Variants in TTN observed in about 807,000 individuals in gnomAD.
The protein encoded by TTN is titin.
A neutral mutation model predicts 3,223.0 loss-of-function variants in TTN; 1,525 were observed. The ratio of observed to expected loss-of-function variants is 0.47; its 90% CI spans 0.45 to 0.49. The LOEUF is 0.49. TTN is among the 20% of genes least tolerant of loss of function. TTN has a pLI of 0.00. For missense variants in TTN, 40,786 were observed against 43,424.0 expected (o/e 0.94, Z 5.40); for synonymous variants, 14,094 against 15,161.0 (o/e 0.93, Z 5.17).
Position 178,689,058 on chromosome 2 carries a change from G to A in TTN, c.32090C>T (p.Pro10697Leu), listed in dbSNP as rs573756163. The change falls in exon 125 of 363, where the codon CCC (proline) becomes CTC (leucine). Residue 10697 changes from proline to leucine, a missense_variant. Physicochemically the swap from Pro to Leu is moderately conservative, Grantham distance 98. Transcript: ENST00000589042. Reference protein sequence around the residue: ...PVPVAKKAPPPRAEVSKKTVV... With the variant: ...PVPVAKKAPPLRAEVSKKTVV... ...AGGATTGAGGCAAATCCTACCTCGG[G>A]GAGGAGGAGCTTTCTTAGCGACAGG... 1.7e-5 allele frequency: 27 copies of A among 1,610,846 alleles called. No homozygotes were observed. In the Admixed American group the frequency reaches 4.5e-4, roughly 27 times the overall value.
rs2154308751 is a variant in TTN at position 178,730,983 on chromosome 2, A to T, written c.17682T>A (p.Thr5894=). ...STEKKDSGEY[T]FEVQNDVGRS... is the part of the protein sequence containing the mutation. Reference sequence around the variant, plus strand: ...TCCCAACATCATTTTGGACCTCGAAAGTATATTCTCCACTATCTTTCTTTT... The same window carrying T: ...TCCCAACATCATTTTGGACCTCGAATGTATATTCTCCACTATCTTTCTTTT... The change falls in exon 60 of 363, where the codon ACT becomes ACA. Residue 5894 remains threonine (T), a synonymous_variant. Transcript: ENST00000589042. 1.9e-6 allele frequency: 3 copies of T among 1,613,030 alleles called. No homozygotes were observed. Among genetic ancestry groups the T allele is most frequent in the East Asian group, 4.5e-5 (2 of 44,852 alleles).
rs1312705676 is a variant in TTN, at chr2:178,724,283, C to T, written c.21092G>A (p.Cys7031Tyr). 6.2e-7 allele frequency: 1 copy of T among 1,613,262 alleles called. No individual in the cohort carries two copies. Among genetic ancestry groups the T allele is most frequent in the East Asian group, 2.2e-5 (1 of 44,820 alleles). ...QVQNNVGKSS[C>Y]TAVVDVSDRA... ...ACCTGAAACATCAACCACAGCTGTG[C>T]AGCTGCTTTTCCCAACATTATTTTG... Residue 7031 changes from cysteine to tyrosine, a missense_variant, in exon 72 of 363, where the codon TGC becomes TAC. Coordinates refer to ENST00000589042, the MANE Select transcript of TTN (RefSeq NM_001267550.2).
Position 178,565,111 on chromosome 2 carries a change from G to A in TTN, c.81021C>T (p.Asn27007=), listed in dbSNP as rs751617459. 1 of 1,613,530 alleles carries A rather than the reference G, an allele frequency of 6.2e-7. No individual in the cohort carries two copies. Among genetic ancestry groups the A allele is most frequent in the Non-Finnish European group, 8.5e-7 (1 of 1,179,626 alleles). The change falls in exon 326 of 363, where the codon AAC becomes AAT. Residue 27007 remains asparagine (N), a synonymous_variant. Coordinates refer to ENST00000589042, the MANE Select transcript of TTN (RefSeq NM_001267550.2). ...TTGTATCTCGCTTCTCTACAATGTA[G>A]TTGCTTATTTGGCAGCCACCAGTAT... The part of the protein sequence containing the change: ...PAYTGGCQIS[N]YIVEKRDTTT...
At position 178,601,862 on chromosome 2, in the gene TTN, TTTAA is replaced by T; in HGVS notation, c.55302+16_55302+19del. 3 of 1,608,350 alleles carry T rather than the reference TTTAA, an allele frequency of 1.9e-6. No homozygotes were observed. The highest frequency in any genetic ancestry group is 8.5e-7 in the Non-Finnish European group (1 of 1,178,074). ...TGAAGTCAACCATATTCTGAATTATTTTAATTATTATTTTTTTACCTGTGCATCT... is the reference window on the plus strand; with the variant it reads ...TGAAGTCAACCATATTCTGAATTATTTTATTATTTTTTTACCTGTGCATCT... On this transcript the variant is annotated intron_variant, in intron 285 of 362. Transcript: ENST00000589042.
intron 218 of TTN, among the ~76,000 whole-genome samples, chr2:178,643,059 A>G (rs770144679): frequency 1.9e-4 from 29 of 151,984 alleles, no homozygotes; most frequent in Non-Finnish European, 3.7e-4. Flanking sequence ...CTCTTTTGCT[A>G]TTATGGCCCT....
Position 178,718,935 on chromosome 2 carries a change from C to G in TTN, c.24265G>C (p.Val8089Leu), listed in dbSNP as rs757252230. The G allele has an allele frequency of 8.1e-5, 131 of 1,611,452 alleles. No homozygotes were observed. Among genetic ancestry groups the G allele is most frequent in the Non-Finnish European group, 1.1e-4 (125 of 1,178,728 alleles). Residue 8089 changes from valine to leucine, a missense_variant, in exon 84 of 363, where the codon GTT (valine) becomes CTT (leucine). Val to Leu is a conservative substitution (Grantham distance 32). Coordinates refer to ENST00000589042, the MANE Select transcript of TTN (RefSeq NM_001267550.2). ...AATGTGAGGCTCATTCCAGGCAAAACTTCCACAGAATCAGGGGTTTGTTCA... is the reference window on the plus strand; with the variant it reads ...AATGTGAGGCTCATTCCAGGCAAAAGTTCCACAGAATCAGGGGTTTGTTCA... ...SFEQTPDSVE[V>L]LPGMSLTFTS...
At position 178,537,014 on chromosome 2, in the gene TTN, C is replaced by G; in HGVS notation, c.100095G>C (p.Arg33365=). 3.1e-6 allele frequency: 5 copies of G among 1,613,330 alleles called. No individual in the cohort carries two copies. The highest frequency in any genetic ancestry group is 4.2e-6 in the Non-Finnish European group (5 of 1,179,608). The change falls in exon 356 of 363, where the codon CGG becomes CGC. Residue 33365 remains arginine, a synonymous_variant. Transcript: ENST00000589042. The part of the protein sequence containing the change: ...NLTENAGYYF[R]VSAQNTFGIS... ...TGCCGAAAGTGTTCTGAGCTGAAAC[C>G]CGGAAGTAATAGCCAGCATTTTCTG...
intron 8 of TTN, 51 bp from the exon 9 acceptor site, chr2:178,793,592 A>T: frequency 4.4e-6 from 7 of 1,608,202 alleles, no homozygotes; most frequent in Non-Finnish European, 5.1e-6. Flanking sequence ...CTTACATAAA[A>T]ATTAGTTCAA....
rs757843086 is a variant in TTN, at chr2:178,750,704, C to A, written c.11311+2420G>T. 1.9e-6 allele frequency: 3 copies of A among 1,612,410 alleles called. No homozygotes were observed. In the South Asian group the frequency reaches 3.3e-5, roughly 18 times the overall value. On this transcript the variant is annotated intron_variant, in intron 47 of 362. Coordinates refer to ENST00000589042, the MANE Select transcript of TTN (RefSeq NM_001267550.2). ...TTCTCTCAAATCATCCTTTTTTATT[C>A]TTTCACTAGCTATTTCTTCACTTTC...
chr2:178,691,918 G>T, intron 121 of TTN, 98 bp downstream of exon 121: 1 of 955,558 alleles, frequency 1.0e-6, no homozygotes, highest in Non-Finnish European at 1.5e-6. Context: ...ATGTAAAAGA[G>T]ACAAAAGACA....
chr2:178,562,813 C>T lies in TTN; in HGVS notation c.83319G>A (p.Leu27773=). The change falls in exon 326 of 363, where the codon TTG becomes TTA. Residue 27773 remains leucine (L), a synonymous_variant. Coordinates refer to ENST00000589042, the MANE Select transcript of TTN (RefSeq NM_001267550.2). ...AGTCTTTCTTCACTTCTCTTATGGT[C>T]AAATTCACAGGGGCACTTGGTGAGT... ...VLDSPSAPVN[L]TIREVKKDSV... The T allele has an allele frequency of 6.2e-7, 1 of 1,613,024 alleles. No individual in the cohort carries two copies. The highest frequency in any genetic ancestry group is 8.5e-7 in the Non-Finnish European group (1 of 1,179,496).
At position 178,635,545 on chromosome 2, in the gene TTN, C is replaced by T. The variant is rs758326922; in HGVS notation, c.41779G>A (p.Gly13927Arg). ...TTAATTTTGAGGTACAGATGATTTC[C>T]ATCTCTCAGTATTTCAGTCTTATCA... The part of the protein sequence containing the change: ...PNDKTEILRD[G>R]NHLYLKIKNA... The change falls in exon 227 of 363, where the codon GGA becomes AGA. Residue 13927 changes from glycine to arginine, a missense_variant. Physicochemically the swap from Gly to Arg is moderately radical, Grantham distance 125. Transcript: ENST00000589042. 22 of 1,595,730 alleles carry T rather than the reference C, an allele frequency of 1.4e-5. No homozygotes were observed. In the South Asian group the frequency reaches 2.5e-4, roughly 18 times the overall value.
At position 178,531,857 on chromosome 2, in the gene TTN, T is replaced by G. The variant is rs1340282150; in HGVS notation, c.104758A>C (p.Thr34920Pro). ...TACTTCCTTTCTGATGTCTTCTGAG[T>G]TTTTAAAGCAGCTTTCATGGACTCA... is the stretch of plus-strand genomic sequence containing the variant. Reference protein sequence around the residue: ...RYESMKAALKTQKTSERKYEV... With the variant: ...RYESMKAALKPQKTSERKYEV... Residue 34920 changes from threonine (T) to proline (P), a missense_variant, in exon 358 of 363, where the codon ACT becomes CCT. Thr to Pro is a conservative substitution (Grantham distance 38, BLOSUM62 -1). Transcript: ENST00000589042. The G allele has an allele frequency of 5.0e-6, 8 of 1,613,550 alleles. No homozygotes were observed. The highest frequency in any genetic ancestry group is 5.9e-6 in the Non-Finnish European group (7 of 1,179,702).
Position 178,780,027 on chromosome 2 carries a change from T to C in TTN, c.3702A>G (p.Val1234=), listed in dbSNP as rs1472830831. 2 of 1,613,108 alleles carry C rather than the reference T, an allele frequency of 1.2e-6. No homozygotes were observed. Among genetic ancestry groups the C allele is most frequent in the South Asian group, 2.2e-5 (2 of 91,050 alleles). Residue 1234 remains valine, a synonymous_variant, in exon 22 of 363, where the codon GTA becomes GTG. Coordinates refer to ENST00000589042, the MANE Select transcript of TTN (RefSeq NM_001267550.2). ...LIRKKMAKDT[V]VVRTYVEDQE... ...GATCTTCTACATAAGTTCTGACCAC[T>C]ACAGTATCTTTGGCCATTTTCTTCC...
intron 47 of TTN, chr2:178,748,693 T>C: frequency 6.2e-7 from 1 of 1,612,824 alleles, no homozygotes; most frequent in East Asian, 2.2e-5. Context: ...TAATAGGTGA[T>C]TCATGTTCAG....
intron 242 of TTN, among the ~76,000 whole-genome samples, chr2:178,623,585 C>T (rs1326164950): frequency 6.6e-6 from 1 of 151,782 alleles, no homozygotes; most frequent in Non-Finnish European, 1.5e-5. Context: ...AGGTAGATGT[C>T]AAGGTGAAGA....
rs558347312 is a variant in TTN, at chr2:178,546,838, T to C, written c.94590A>G (p.Pro31530=). Residue 31530 remains proline (P), a synonymous_variant, in exon 341 of 363, where the codon CCA becomes CCG. Coordinates refer to ENST00000589042, the MANE Select transcript of TTN (RefSeq NM_001267550.2). ...RSTVSLIWSA[P]AYDGGSKVVG... is the part of the protein sequence containing the mutation. The stretch of plus-strand genomic sequence containing the variant: ...CAACCTTGCTGCCTCCATCATACGC[T>C]GGGGCAGACCAAATCAGTGATACTG... 32 of 1,608,238 alleles carry C rather than the reference T, an allele frequency of 2.0e-5. No homozygotes were observed. The African/African-American group carries it at 2.9e-4, about 15-fold the overall frequency.
Position 178,727,840 on chromosome 2 carries a change from G to A in TTN, c.19738C>T (p.Pro6580Ser), listed in dbSNP as rs116572520. ...TCAGGTATGGCTTGCTGTCGCCCAGGTTTCACTAGGAAGCTTGGTGGTTCT... is the reference window on the plus strand; with the variant it reads ...TCAGGTATGGCTTGCTGTCGCCCAGATTTCACTAGGAAGCTTGGTGGTTCT... ...VKEPPSFLVK[P>S]GRQQAIPDST... is the part of the protein sequence containing the mutation. Residue 6580 changes from proline to serine, a missense_variant, in exon 68 of 363, where the codon CCT becomes TCT. By Grantham distance (74) the Pro-to-Ser change is moderately conservative (BLOSUM62 -1). Transcript: ENST00000589042. The A allele has an allele frequency of 3.3e-4, 526 of 1,594,822 alleles. 5 individuals are homozygous for A. In the African/African-American group the frequency reaches 6.4e-3, roughly 19 times the overall value.
At chr2:178,693,837 A>G in intron 118 of TTN, 85 bp downstream of exon 118, 2 of 1,298,914 alleles carry the variant, frequency 1.5e-6, no homozygotes, top group African/African-American at 1.5e-5. Context: ...AAATGTCTAC[A>G]CGATCACAAA....
Sources: allele counts gnomAD v4.1 joint callset (sites outside exome capture counted in the v4.1 genomes callset), GRCh38; gene constraint gnomAD v4.1.1; transcripts MANE v1.5; gene names NCBI Gene and HGNC (gene_info 2026-07-23, HGNC 2026-07-21).